Variants in CSRP3 observed in about 807,000 individuals in gnomAD.
The protein encoded by CSRP3 is cysteine and glycine rich protein 3, also known as cysteine and glycine-rich protein 3.
Under a neutral mutation model 24.3 loss-of-function variants are expected in CSRP3, and 24 were observed. That is an observed-to-expected ratio of 0.99 (90% CI 0.71 to 1.39). The LOEUF is 1.39. CSRP3 is among the 40% of genes most tolerant of loss of function. The pLI, the probability that CSRP3 is intolerant of heterozygous loss-of-function variation, is 0.00. For missense variants in CSRP3, 240 were observed against 249.0 expected, an observed-to-expected ratio of 0.96 and a Z score of 0.24; for synonymous variants, 105 against 94.0, an observed-to-expected ratio of 1.12 and a Z score of -0.68.
At chr11:19,194,744 T>G (rs1850669873) in intron 1 of CSRP3, among the ~76,000 whole-genome samples, 1 of 152,054 alleles carries the variant, frequency 6.6e-6, no homozygotes, top group Non-Finnish European at 1.5e-5. Context: ...ATTTCTGTAG[T>G]TCGGGTTGTT....
chr11:19,192,331 A>G lies in CSRP3; in HGVS notation c.112+6T>C, dbSNP rs775270112. 4.3e-6 allele frequency: 7 copies of G among 1,611,006 alleles called. No individual in the cohort carries two copies. In the South Asian group the frequency reaches 4.4e-5, roughly 10 times the overall value. ...GAGGGGCCCCCAGGGTGTCCACCCA[A>G]CTCACTGCAGTGGAAACACGTCTTG... is the stretch of plus-strand genomic sequence containing the variant. On this transcript the variant is annotated splice_donor_region_variant and intron_variant, in intron 2 of 5. Transcript: ENST00000265968.
At chr11:19,183,476 C>G (rs1440036232) in intron 5 of CSRP3, among the ~76,000 whole-genome samples, 1 of 152,144 alleles carries the variant, frequency 6.6e-6, no homozygotes, top group African/African-American at 2.4e-5. Flanking sequence ...CACATTCACC[C>G]ATCAAGCCTC....
At chr11:19,188,458 T>C (rs1169675593) in intron 2 of CSRP3, among the ~76,000 whole-genome samples, 154 bp from the exon 3 acceptor site, 2 of 152,016 alleles carry the variant, frequency 1.3e-5, no homozygotes, top group Non-Finnish European at 2.9e-5. Context: ...CTGCCCTGAG[T>C]TGTGCACTCC....
intron 2 of CSRP3, among the ~76,000 whole-genome samples, chr11:19,189,506 TA>T (rs1850583228): frequency 2.0e-5 from 3 of 152,194 alleles, no homozygotes; most frequent in Non-Finnish European, 4.4e-5. Flanking sequence ...ATTTGCCTTT[TA>T]AAAAAACATT....
chr11:19,193,967 G>A (rs1850656247), intron 1 of CSRP3, among the ~76,000 whole-genome samples: 1 of 152,158 alleles, frequency 6.6e-6, no homozygotes, highest in African/African-American at 2.4e-5. Context: ...CTGCCCAGGG[G>A]AGCTGCATTT....
chr11:19,195,679 A>G (rs1349045632), intron 1 of CSRP3, among the ~76,000 whole-genome samples: 9 of 100,664 alleles, frequency 8.9e-5, no homozygotes, highest in South Asian at 3.6e-4. Context: ...GGGGATAAAA[A>G]TACATATATA....
chr11:19,200,420 C>G (rs547564403), intron 1 of CSRP3, among the ~76,000 whole-genome samples: 5 of 152,308 alleles, frequency 3.3e-5, no homozygotes, highest in African/African-American at 1.2e-4. Context: ...TGGCTATTTG[C>G]TGGCTGAATG....
intron 1 of CSRP3, among the ~76,000 whole-genome samples, chr11:19,195,761 T>A (rs1026983927): frequency 2.0e-5 from 3 of 152,172 alleles, no homozygotes; most frequent in African/African-American, 7.2e-5. Context: ...GGATTACAGA[T>A]AATACCTCCT....
In CSRP3 at chr11:19,185,046, C is replaced by T. The variant is rs775194825; in HGVS notation, c.415-1G>A. ...AGCGGAAACAGGTCTTGTGCCAAGG[C>T]TGAGGGGCACAGAAAAGTTGCATAT... On this transcript the variant is annotated splice_acceptor_variant, in intron 4 of 5. Transcript: ENST00000265968. LOFTEE classifies it high-confidence loss of function. The T allele has an allele frequency of 1.2e-6, 2 of 1,612,458 alleles. No individual in the cohort carries two copies. Among genetic ancestry groups the T allele is most frequent in the Admixed American group, 1.7e-5 (1 of 60,032 alleles).
chr11:19,187,125 C>T (rs1371744265), intron 3 of CSRP3, among the ~76,000 whole-genome samples: 1 of 152,096 alleles, frequency 6.6e-6, no homozygotes, highest in African/African-American at 2.4e-5. Context: ...ACTAGGAAGC[C>T]CTAATGTTGA....
intron 2 of CSRP3, among the ~76,000 whole-genome samples, chr11:19,190,019 T>C (rs1370752394): frequency 6.6e-6 from 1 of 152,268 alleles, no homozygotes; most frequent in East Asian, 1.9e-4. Context: ...CAAGCCTGTT[T>C]TGTCTTAATA....
intron 3 of CSRP3, among the ~76,000 whole-genome samples, chr11:19,187,242 G>T (rs1290688891): frequency 2.0e-5 from 3 of 152,228 alleles, no homozygotes; most frequent in Non-Finnish European, 4.4e-5. Flanking sequence ...ACAAAAAGAA[G>T]TCTTCTCTCT....
chr11:19,197,851 C>T (rs992645745), intron 1 of CSRP3, among the ~76,000 whole-genome samples: 3 of 151,460 alleles, frequency 2.0e-5, no homozygotes, highest in Non-Finnish European at 4.4e-5. Flanking sequence ...GGAATCTAAG[C>T]GATAGTAATA....
Position 19,188,249 on chromosome 11 carries a change from G to C in CSRP3, c.168C>G (p.Ile56Met), listed in dbSNP as rs767360228. 13 of 1,613,094 alleles carry C rather than the reference G, an allele frequency of 8.1e-6. No homozygotes were observed. Among genetic ancestry groups the C allele is most frequent in the African/African-American group, 1.3e-5 (1 of 74,874 alleles). ...STTVAAHESE[I>M]YCKVCYGRRY... ...TGCGCCCATAGCACACCTTGCAGTA[G>C]ATCTCCGACTCATGAGCCGCGACTG... Residue 56 changes from isoleucine to methionine, a missense_variant, in exon 3 of 6, where the codon ATC becomes ATG. Physicochemically the swap from Ile to Met is conservative, Grantham distance 10. Coordinates refer to ENST00000265968, the MANE Select transcript of CSRP3 (RefSeq NM_003476.5).
At chr11:19,191,742 G>T (rs1376750274) in intron 2 of CSRP3, among the ~76,000 whole-genome samples, 2 of 152,176 alleles carry the variant, frequency 1.3e-5, no homozygotes, top group Non-Finnish European at 2.9e-5. Context: ...AGGTCTCAAG[G>T]TTCTCCCTAT....
intron 4 of CSRP3, 116 bp from the exon 5 acceptor site, chr11:19,185,161 C>A: frequency 1.3e-6 from 1 of 774,880 alleles, no homozygotes; most frequent in Non-Finnish European, 2.3e-6. Context: ...ATTTGCTTAC[C>A]TAATGGGCCC....
Position 19,182,544 on chromosome 11 carries a change from T to G in CSRP3, c.*126A>C. 1.2e-6 allele frequency: 1 copy of G among 866,168 alleles called. No individual in the cohort carries two copies. 53.7% of individuals were successfully genotyped at this position (866,168 alleles called of 1,614,324 possible). On this transcript the variant is annotated 3_prime_UTR_variant, in exon 6 of 6. Transcript: ENST00000265968. Reference sequence around the variant, plus strand: ...TAACATTCAGTAAAGACCTGATCACTTCTGAGGAGAAACACATAATGTACG... The same window carrying G: ...TAACATTCAGTAAAGACCTGATCACGTCTGAGGAGAAACACATAATGTACG...
Position 19,182,523 on chromosome 11 carries a change from A to G in CSRP3, c.*147T>C. 1 of 764,934 alleles carries G rather than the reference A, an allele frequency of 1.3e-6. No homozygotes were observed. The highest frequency in any genetic ancestry group is 2.4e-6 in the Non-Finnish European group (1 of 421,124). 47.4% of individuals were successfully genotyped at this position (764,934 alleles called of 1,614,324 possible). A position where few individuals can be genotyped will look rare whatever the true frequency, so the allele number is the denominator to read the frequency against. On this transcript the variant is annotated 3_prime_UTR_variant, in exon 6 of 6. Coordinates refer to ENST00000265968, the MANE Select transcript of CSRP3 (RefSeq NM_003476.5). ...TTTTCTTCCAAAGGCCTCTTCTAAC[A>G]TTCAGTAAAGACCTGATCACTTCTG...
At chr11:19,193,684 G>A (rs1850651227) in intron 1 of CSRP3, among the ~76,000 whole-genome samples, 1 of 152,074 alleles carries the variant, frequency 6.6e-6, no homozygotes, top group African/African-American at 2.4e-5. Context: ...CAGGTGTGGT[G>A]GTGGGCACCT....
Sources: gnomAD v4.1 joint callset for allele counts (sites outside exome capture counted in the v4.1 genomes callset) on GRCh38, gnomAD v4.1.1 for gene constraint, MANE v1.5 for transcripts, NCBI Gene and HGNC (gene_info 2026-07-23, HGNC 2026-07-21) for gene names.